EDEM1: variants seen among roughly 807,000 people sequenced by gnomAD.
EDEM1 encodes the protein ER degradation-enhancing alpha-mannosidase-like protein 1.
Under a neutral mutation model 74.4 loss-of-function variants are expected in EDEM1, and 67 were observed. That is an observed-to-expected ratio of 0.90 (90% CI 0.74 to 1.10). The LOEUF is 1.10. Ranked by LOEUF, EDEM1 falls within the 50% of genes least tolerant of loss-of-function variation. The probability of loss-of-function intolerance (pLI) is 0.00; values close to 1 mark genes in which losing one functional copy is unlikely to be tolerated. For synonymous variants in EDEM1, 382 were observed against 335.9 expected, an observed-to-expected ratio of 1.14 and a Z score of -1.50; for missense variants, 926 against 851.6, an observed-to-expected ratio of 1.09 and a Z score of -1.09.
At chr3:5,205,352 CACCTT>C in intron 6 of EDEM1, 111 bp downstream of exon 6, 1 of 1,048,360 alleles carries the variant, frequency 9.5e-7, no homozygotes, top group Non-Finnish European at 1.4e-6. Flanking sequence ...TCTCTGCCCT[CACCTT>C]ACCACCTCTC....
At chr3:5,203,559 C>T (rs1361578612) in intron 5 of EDEM1, among the ~76,000 whole-genome samples, 1 of 152,038 alleles carries the variant, frequency 6.6e-6, no homozygotes, top group Non-Finnish European at 1.5e-5. Context: ...CCAGATTAAA[C>T]CTGTGTGAGG....
In EDEM1 at chr3:5,217,915, C is replaced by G. The variant is rs930388928; in HGVS notation, c.*1997C>G. On this transcript the variant is annotated 3_prime_UTR_variant, in exon 12 of 12. Coordinates refer to ENST00000256497, the MANE Select transcript of EDEM1 (RefSeq NM_014674.3). ...AGCATCTCAGAGAAGGAGGTGAGTT[C>G]TTCCTGCCTGTGATTTCTCTTGGCG... 6.6e-6 allele frequency: 1 copy of G among 152,214 alleles called. No individual in the cohort carries two copies. The highest frequency in any genetic ancestry group is 2.4e-5 in the African/African-American group (1 of 41,440). 9.4% of individuals were successfully genotyped at this position (152,214 alleles called of 1,614,324 possible).
Position 5,207,291 on chromosome 3 carries a change from T to C in EDEM1, c.1338+18T>C. ...GACTGCAGGTATTTTGCCATCAGAT[T>C]TCCTAAGAATAACCAATCACCAGAA... On this transcript the variant is annotated intron_variant, in intron 7 of 11. Coordinates refer to ENST00000256497, the MANE Select transcript of EDEM1 (RefSeq NM_014674.3). 2 of 1,613,348 alleles carry C rather than the reference T, an allele frequency of 1.2e-6. No homozygotes were observed. Among genetic ancestry groups the C allele is most frequent in the Middle Eastern group, 1.7e-4 (1 of 6,058 alleles).
In EDEM1 at chr3:5,213,684, A is replaced by G. The variant is rs188164121; in HGVS notation, c.1884+162A>G. On this transcript the variant is annotated intron_variant, in intron 11 of 11. Coordinates refer to ENST00000256497, the MANE Select transcript of EDEM1 (RefSeq NM_014674.3). ...CCATTTACATAGCTGTTGTCAGGGT[A>G]TAGGGAAACCGCAGGAGCAGCGGTG... is the stretch of plus-strand genomic sequence containing the variant. Among the ~76,000 whole-genome samples the G allele has an allele frequency of 1.4e-3, 212 of 152,320 alleles. 1 individual carries two copies. The highest frequency in any genetic ancestry group is 4.9e-3 in the African/African-American group (205 of 41,576).
At chr3:5,192,498 T>C (rs2054913272) in intron 1 of EDEM1, among the ~76,000 whole-genome samples, 1 of 152,188 alleles carries the variant, frequency 6.6e-6, no homozygotes, top group Admixed American at 6.5e-5. Flanking sequence ...TACAGTGGGG[T>C]GAATGCCATG....
chr3:5,207,167 A>G lies in EDEM1; in HGVS notation c.1232A>G (p.Asn411Ser), dbSNP rs1416842280. Residue 411 changes from asparagine (N) to serine (S), a missense_variant, in exon 7 of 12, where the codon AAT becomes AGT. By Grantham distance (46) the Asn-to-Ser change is conservative. Transcript: ENST00000256497. Reference protein sequence around the residue: ...NYLRRGREACNEGEGDPPLYV... With the variant: ...NYLRRGREACSEGEGDPPLYV... ...TGGGTTTGCAGGCGGGAAGCCTGCA[A>G]TGAAGGAGAAGGAGACCCTCCACTC... The G allele has an allele frequency of 1.2e-6, 2 of 1,614,126 alleles. No homozygotes were observed. Among genetic ancestry groups the G allele is most frequent in the Non-Finnish European group, 1.7e-6 (2 of 1,180,006 alleles).
rs1263597719 is a variant in EDEM1 at position 5,218,147 on chromosome 3, G to A, written c.*2229G>A. The A allele has an allele frequency of 6.6e-6, 1 of 152,216 alleles. No individual in the cohort carries two copies. Among genetic ancestry groups the A allele is most frequent in the Non-Finnish European group, 1.5e-5 (1 of 68,096 alleles). 9.4% of individuals were successfully genotyped at this position (152,216 alleles called of 1,614,324 possible). ...CAGGGGCCACAGGCTGTCAGGAAAC[G>A]TGTTTTATGTTAAGTCACAAACCCA... is the stretch of plus-strand genomic sequence containing the variant. On this transcript the variant is annotated 3_prime_UTR_variant, in exon 12 of 12. Coordinates refer to ENST00000256497, the MANE Select transcript of EDEM1 (RefSeq NM_014674.3).
At chr3:5,191,815 T>C (rs987452738) in intron 1 of EDEM1, among the ~76,000 whole-genome samples, 1 of 152,214 alleles carries the variant, frequency 6.6e-6, no homozygotes, top group African/African-American at 2.4e-5. Context: ...AAGTCAGTTC[T>C]CACATCCTTA....
chr3:5,216,107 A>C lies in EDEM1; in HGVS notation c.*189A>C. 1.8e-6 allele frequency: 1 copy of C among 548,872 alleles called. No individual in the cohort carries two copies. The highest frequency in any genetic ancestry group is 3.2e-6 in the Non-Finnish European group (1 of 316,164). The allele number at this position is 548,872 out of a possible 1,614,324, so 34.0% of individuals were successfully genotyped here. Reference sequence around the variant, plus strand: ...CAGTGTTTCTCTCCTGTTCAATAAAATGCCCTGTTAAGGATATAATTTGAA... The same window carrying C: ...CAGTGTTTCTCTCCTGTTCAATAAACTGCCCTGTTAAGGATATAATTTGAA... On this transcript the variant is annotated 3_prime_UTR_variant, in exon 12 of 12. Transcript: ENST00000256497.
chr3:5,195,641 G>T (rs539184422), intron 2 of EDEM1, among the ~76,000 whole-genome samples: 2 of 152,320 alleles, frequency 1.3e-5, no homozygotes, highest in African/African-American at 4.8e-5. Flanking sequence ...AGATCTAAGG[G>T]TTGGCAGGTA....
chr3:5,200,644 C>G (rs916024043), intron 3 of EDEM1, among the ~76,000 whole-genome samples: 1 of 152,040 alleles, frequency 6.6e-6, no homozygotes, highest in African/African-American at 2.4e-5. Flanking sequence ...TTGGTGAAAA[C>G]CTTTGTTCTG....
rs142971732 is a variant in EDEM1, at chr3:5,187,922, C to G, written c.117C>G (p.Leu39=). 1.1e-4 allele frequency: 170 copies of G among 1,593,674 alleles called. 1 individual carries two copies. In the African/African-American group the frequency reaches 1.7e-3, roughly 16 times the overall value. Residue 39 remains leucine (L), a synonymous_variant, in exon 1 of 12, where the codon CTC becomes CTG. Coordinates refer to ENST00000256497, the MANE Select transcript of EDEM1 (RefSeq NM_014674.3). ...PSMGFYQRFP[L]SFGFQRLRSP... is the part of the protein sequence containing the mutation. Reference sequence around the variant, plus strand: ...TGGGCTTCTACCAGCGCTTTCCGCTCAGCTTCGGCTTCCAGCGTCTGAGGA... The same window carrying G: ...TGGGCTTCTACCAGCGCTTTCCGCTGAGCTTCGGCTTCCAGCGTCTGAGGA...
intron 7 of EDEM1, among the ~76,000 whole-genome samples, 165 bp from the exon 8 acceptor site, chr3:5,207,928 A>G (rs1004716874): frequency 6.6e-6 from 1 of 152,172 alleles, no homozygotes; most frequent in Non-Finnish European, 1.5e-5. Context: ...TAGGGAGGGC[A>G]TTTATTTGTC....
At chr3:5,195,331 G>T in intron 2 of EDEM1, 50 bp downstream of exon 2, 2 of 1,231,172 alleles carry the variant, frequency 1.6e-6, no homozygotes, top group African/African-American at 1.5e-5. Flanking sequence ...TTTTAGAGTT[G>T]ATTATCCCTA....
At chr3:5,192,863 TAGAG>T (rs1453204938) in intron 1 of EDEM1, among the ~76,000 whole-genome samples, 1 of 152,040 alleles carries the variant, frequency 6.6e-6, no homozygotes, top group Non-Finnish European at 1.5e-5. Context: ...CCCCAGATCT[TAGAG>T]AGGATTTGTC....
chr3:5,206,869 G>A (rs1450059672), intron 6 of EDEM1, among the ~76,000 whole-genome samples: 1 of 152,152 alleles, frequency 6.6e-6, no homozygotes, highest in African/African-American at 2.4e-5. Flanking sequence ...TATGTGGCAG[G>A]GCTCTTAAAC....
intron 3 of EDEM1, among the ~76,000 whole-genome samples, chr3:5,200,797 G>A (rs950372875): frequency 4.6e-5 from 7 of 151,144 alleles, no homozygotes; most frequent in African/African-American, 1.2e-4. Flanking sequence ...CAGATGTTAC[G>A]GTGTTAGGGA....
chr3:5,188,654 C>T (rs1022415021), intron 1 of EDEM1, among the ~76,000 whole-genome samples: 2 of 152,236 alleles, frequency 1.3e-5, no homozygotes, highest in African/African-American at 4.8e-5. Context: ...CCACTTCCAT[C>T]CGACCCCTTC....
intron 10 of EDEM1, among the ~76,000 whole-genome samples, chr3:5,211,745 A>G (rs145419233): frequency 5.3e-4 from 81 of 152,104 alleles, no homozygotes; most frequent in Non-Finnish European, 1.0e-3. Flanking sequence ...TAATGTTCAT[A>G]TGTTCATCAT....
Sources: allele counts gnomAD v4.1 joint callset (sites outside exome capture counted in the v4.1 genomes callset), GRCh38; gene constraint gnomAD v4.1.1; transcripts MANE v1.5; gene names NCBI Gene and HGNC (gene_info 2026-07-23, HGNC 2026-07-21).